Variants in BMP4 observed in about 807,000 individuals in gnomAD.
BMP4 encodes bone morphogenetic protein 4.
BMP4 carries 3 observed loss-of-function variants against 29.6 expected under a neutral mutation model. The ratio of observed to expected loss-of-function variants is 0.10; its 90% CI spans 0.05 to 0.26. The LOEUF is 0.26. BMP4 is among the 10% of genes least tolerant of loss of function. The pLI is 1.00. For missense variants in BMP4, 455 were observed against 550.2 expected, an observed-to-expected ratio of 0.83 and a Z score of 1.73; for synonymous variants, 197 against 213.2, an observed-to-expected ratio of 0.92 and a Z score of 0.66.
Position 53,955,006 on chromosome 14 carries a change from A to G in BMP4, c.-133+1544T>C, listed in dbSNP as rs13379305. ...CTCCCTCCCGACCGTGGATGCCCGGAGTCGACCAACACCTCAGGTCCGGGT... is the reference window on the plus strand; with the variant it reads ...CTCCCTCCCGACCGTGGATGCCCGGGGTCGACCAACACCTCAGGTCCGGGT... On this transcript the variant is annotated intron_variant, in intron 1 of 3. Coordinates refer to ENST00000245451, the MANE Select transcript of BMP4 (RefSeq NM_001202.6). The surrounding 1 kb of genome is among the most constrained non-coding windows in gnomAD (Gnocchi z 4.0). 4.6e-3 allele frequency among the ~76,000 whole-genome samples: 694 copies of G among 152,300 alleles called. 7 individuals are homozygous for G. The highest frequency in any genetic ancestry group is 0.016 in the African/African-American group (657 of 41,582).
chr14:53,949,981 G>T lies in BMP4; in HGVS notation c.*51C>A. The T allele has an allele frequency of 6.3e-7, 1 of 1,577,594 alleles. No homozygotes were observed. Among genetic ancestry groups the T allele is most frequent in the Non-Finnish European group, 8.7e-7 (1 of 1,151,502 alleles). ...GGGAACGTGTGTGTGTGGTGTATGT[G>T]GTGTGTGTGTGTGGTGTGTATATCT... On this transcript the variant is annotated 3_prime_UTR_variant, in exon 4 of 4. Transcript: ENST00000245451.
In BMP4 at chr14:53,954,207, T is replaced by G. The variant is rs921233039; in HGVS notation, c.-132-807A>C. Among the ~76,000 whole-genome samples the G allele has an allele frequency of 4.6e-5, 7 of 151,674 alleles. No homozygotes were observed. Among genetic ancestry groups the G allele is most frequent in the Non-Finnish European group, 2.9e-5 (2 of 67,926 alleles). On this transcript the variant is annotated intron_variant, in intron 1 of 3. Coordinates refer to ENST00000245451, the MANE Select transcript of BMP4 (RefSeq NM_001202.6). This position sits in a 1 kb window ranked among gnomAD's most constrained non-coding sequence, Gnocchi z 4.8. Reference sequence around the variant, plus strand: ...ATTGCTCCGGGTCCATTACCGAGAATCCCCAAACCTAGTCCGCCGCTGCGT... The same window carrying G: ...ATTGCTCCGGGTCCATTACCGAGAAGCCCCAAACCTAGTCCGCCGCTGCGT...
intron 1 of BMP4, among the ~76,000 whole-genome samples, chr14:53,956,143 T>C (rs935326416): frequency 6.6e-6 from 1 of 152,146 alleles, no homozygotes; most frequent in Non-Finnish European, 1.5e-5. Flanking sequence ...GCCGTCGCTC[T>C]GCCCCCTCAC....
rs150187403 is a variant in BMP4 at position 53,952,112 on chromosome 14, C to G, written c.111G>C (p.Glu37Asp). The change falls in exon 3 of 4, where the codon GAG (glutamate) becomes GAC (aspartate). Residue 37 changes from glutamate (E) to aspartate (D), a missense_variant. Physicochemically the swap from Glu to Asp is conservative, Grantham distance 45. This residue lies in a region of BMP4 where 249 missense variants were observed against 284.6 expected (regional missense o/e 0.87). Coordinates refer to ENST00000245451, the MANE Select transcript of BMP4 (RefSeq NM_001202.6). The stretch of plus-strand genomic sequence containing the variant: ...GGCGTCCTCCCGCGTGGCCCTGAAT[C>G]TCGGCGACTTTTTTCTTCCCCGTCT... ...IPETGKKKVA[E>D]IQGHAGGRRS... 23 of 1,613,530 alleles carry G rather than the reference C, an allele frequency of 1.4e-5. No individual in the cohort carries two copies. In the African/African-American group the frequency reaches 2.8e-4, roughly 20 times the overall value.
At position 53,950,653 on chromosome 14, in the gene BMP4, C is replaced by T. The variant is rs761904965; in HGVS notation, c.606G>A (p.Thr202=). ...GTGTCACATTGTGGTGGACCAGTCT[C>T]GTGTCCAGTAGTCGTGTGATGAGGT... ...PGHLITRLLD[T]RLVHHNVTRW... is the part of the protein sequence containing the mutation. The change falls in exon 4 of 4, where the codon ACG becomes ACA. Residue 202 remains threonine (T), a synonymous_variant. Transcript: ENST00000245451. This position sits in a 1 kb window ranked among gnomAD's most constrained non-coding sequence, Gnocchi z 5.4. 10 of 1,614,134 alleles carry T rather than the reference C, an allele frequency of 6.2e-6. No individual in the cohort carries two copies. The African/African-American group carries it at 8.0e-5, about 13-fold the overall frequency.
chr14:53,949,883 C>CACT lies in BMP4; in HGVS notation c.*148_*149insAGT. 1 of 643,742 alleles carries CACT rather than the reference C, an allele frequency of 1.6e-6. No homozygotes were observed. The highest frequency in any genetic ancestry group is 2.4e-6 in the Non-Finnish European group (1 of 423,472). The allele number at this position is 643,742 out of a possible 1,614,324, so 39.9% of individuals were successfully genotyped here. The stretch of plus-strand genomic sequence containing the variant: ...AAGGTGAATGTTTAGGGATTTTTTC[C>CACT]TTTTTTTTTTTTTTTTTTAAATAAA... On this transcript the variant is annotated 3_prime_UTR_variant, in exon 4 of 4. Coordinates refer to ENST00000245451, the MANE Select transcript of BMP4 (RefSeq NM_001202.6).
chr14:53,950,082 C>T lies in BMP4; in HGVS notation c.1177G>A (p.Val393Ile). The T allele has an allele frequency of 1.2e-6, 2 of 1,614,084 alleles. No homozygotes were observed. The highest frequency in any genetic ancestry group is 8.5e-7 in the Non-Finnish European group (1 of 1,180,016). ...ACCATCTCCTGATAATTTTTCAGTA[C>T]CACCTTATCATACTCATCCAGGTAC... The part of the protein sequence containing the change: ...MLYLDEYDKV[V>I]LKNYQEMVVE... The change falls in exon 4 of 4, where the codon GTA (valine) becomes ATA (isoleucine). Residue 393 changes from valine (V) to isoleucine (I), a missense_variant. This residue lies in a region of BMP4 where 48 missense variants were observed against 90.4 expected (regional missense o/e 0.53). Coordinates refer to ENST00000245451, the MANE Select transcript of BMP4 (RefSeq NM_001202.6). The surrounding 1 kb of genome is among the most constrained non-coding windows in gnomAD (Gnocchi z 5.4).
At chr14:53,953,669 G>A (rs1169680700) in intron 1 of BMP4, among the ~76,000 whole-genome samples, 1 of 151,854 alleles carries the variant, frequency 6.6e-6, no homozygotes, top group African/African-American at 2.4e-5. Context: ...CCCCGCGGCC[G>A]CCGCGCTCCC....
chr14:53,954,399 C>T lies in BMP4; in HGVS notation c.-132-999G>A, dbSNP rs1000726193. On this transcript the variant is annotated intron_variant, in intron 1 of 3. Coordinates refer to ENST00000245451, the MANE Select transcript of BMP4 (RefSeq NM_001202.6). This position sits in a 1 kb window ranked among gnomAD's most constrained non-coding sequence, Gnocchi z 4.8. ...GGCCGAGGTTTTACAACTCCCGACC[C>T]GGCGCAGAAAGGAAATCCCACCATG... 6.6e-6 allele frequency: 1 copy of T among 152,140 alleles called. No homozygotes were observed. 9.4% of individuals were successfully genotyped at this position (152,140 alleles called of 1,614,324 possible).
chr14:53,956,769 G>A lies in BMP4; in HGVS notation c.-352C>T. The A allele has an allele frequency of 2.5e-6, 1 of 399,974 alleles. No individual in the cohort carries two copies. The highest frequency in any genetic ancestry group is 4.4e-6 in the Non-Finnish European group (1 of 226,996). The allele number at this position is 399,974 out of a possible 1,614,324, so 24.8% of individuals were successfully genotyped here. A position where few individuals can be genotyped will look rare whatever the true frequency, so the allele number is the denominator to read the frequency against. On this transcript the variant is annotated 5_prime_UTR_variant, in exon 1 of 4. Coordinates refer to ENST00000245451, the MANE Select transcript of BMP4 (RefSeq NM_001202.6). ...GGATGCCACACTCACCTAGCTTCCGGGCCGGGCTCCGCGCTCCTTCCCTCC... is the reference window on the plus strand; with the variant it reads ...GGATGCCACACTCACCTAGCTTCCGAGCCGGGCTCCGCGCTCCTTCCCTCC...
intron 2 of BMP4, among the ~76,000 whole-genome samples, chr14:53,952,752 G>A (rs978952193): frequency 2.6e-5 from 4 of 152,164 alleles, no homozygotes; most frequent in African/African-American, 7.2e-5. Flanking sequence ...GAAGACAGAG[G>A]GCGACAGGGT....
chr14:53,954,286 G>A lies in BMP4; in HGVS notation c.-132-886C>T, dbSNP rs1489058377. ...CCGAAGAAGCCATGCCAGGCTGAGG[G>A]ACAGACGCCGGGGCTCGAAGCTCCG... On this transcript the variant is annotated intron_variant, in intron 1 of 3. Transcript: ENST00000245451. This position sits in a 1 kb window ranked among gnomAD's most constrained non-coding sequence, Gnocchi z 4.8. The A allele has an allele frequency of 6.6e-6, 1 of 152,214 alleles. No individual in the cohort carries two copies. Among genetic ancestry groups the A allele is most frequent in the Non-Finnish European group, 1.5e-5 (1 of 68,116 alleles). 9.4% of individuals were successfully genotyped at this position (152,214 alleles called of 1,614,324 possible).
At chr14:53,956,492 C>G (rs915512872) in intron 1 of BMP4, 58 bp downstream of exon 1, 1 of 399,360 alleles carries the variant, frequency 2.5e-6, no homozygotes, top group Admixed American at 4.4e-5. Flanking sequence ...CTTCTTCCCC[C>G]CAAGGAGGCT....
At position 53,950,712 on chromosome 14, in the gene BMP4, C is replaced by T. The variant is rs917187711; in HGVS notation, c.547G>A (p.Val183Ile). ...ACCACTTCTGCTGGGGGCTTCATAACCTCATAAATGTTTATACGGTGGAAG... is the reference window on the plus strand; with the variant it reads ...ACCACTTCTGCTGGGGGCTTCATAATCTCATAAATGTTTATACGGTGGAAG... The part of the protein sequence containing the change: ...RGFHRINIYE[V>I]MKPPAEVVPG... The change falls in exon 4 of 4, where the codon GTT becomes ATT. Residue 183 changes from valine (V) to isoleucine (I), a missense_variant. Around this residue, in one of 4 missense-constraint regions of BMP4, gnomAD observed 249 missense variants for 284.6 expected, o/e 0.87. Transcript: ENST00000245451. This position sits in a 1 kb window ranked among gnomAD's most constrained non-coding sequence, Gnocchi z 5.4. The T allele has an allele frequency of 1.5e-5, 24 of 1,614,122 alleles. No individual in the cohort carries two copies. Among genetic ancestry groups the T allele is most frequent in the Non-Finnish European group, 1.7e-5 (20 of 1,180,054 alleles).
At chr14:53,956,259 A>G (rs546365989) in intron 1 of BMP4, among the ~76,000 whole-genome samples, 1 of 152,166 alleles carries the variant, frequency 6.6e-6, no homozygotes, top group African/African-American at 2.4e-5. Context: ...AAGACCCCAC[A>G]GTTTTTCCCA....
Position 53,950,442 on chromosome 14 carries a change from C to A in BMP4, c.817G>T (p.Val273Phe), listed in dbSNP as rs775995114. ...GNWAQLRPLL[V>F]TFGHDGRGHA... ...CCCCGGCCATCATGGCCAAAGGTGA[C>A]CAGGAGGGGCCGGAGCTGGGCCCAA... Residue 273 changes from valine (V) to phenylalanine (F), a missense_variant, in exon 4 of 4, where the codon GTC becomes TTC. Val to Phe is a conservative substitution (Grantham distance 50). This residue lies in a region of BMP4 where 154 missense variants were observed against 156.8 expected (regional missense o/e 0.98). Transcript: ENST00000245451. This position sits in a 1 kb window ranked among gnomAD's most constrained non-coding sequence, Gnocchi z 5.4. 6.2e-7 allele frequency: 1 copy of A among 1,613,930 alleles called. No homozygotes were observed. The highest frequency in any genetic ancestry group is 2.2e-5 in the East Asian group (1 of 44,888).
chr14:53,953,389 A>C lies in BMP4; in HGVS notation c.-121T>G, dbSNP rs954554112. 1.5e-5 allele frequency: 6 copies of C among 399,082 alleles called. No individual in the cohort carries two copies. The highest frequency in any genetic ancestry group is 2.7e-5 in the Non-Finnish European group (6 of 226,136). The allele number at this position is 399,082 out of a possible 1,614,324, so 24.7% of individuals were successfully genotyped here. A position where few individuals can be genotyped will look rare whatever the true frequency, so the allele number is the denominator to read the frequency against. On this transcript the variant is annotated 5_prime_UTR_variant, in exon 2 of 4. Transcript: ENST00000245451. ...GCAGTGCGTTGCTCGGGATGGCACT[A>C]CGGAATGGCTCCTAAAAGGAATATT...
Position 53,956,747 on chromosome 14 carries a change from T to G in BMP4, c.-330A>C. Reference sequence around the variant, plus strand: ...TCAGGCTCGCGTCCCTCAGCTCGGATGCCACACTCACCTAGCTTCCGGGCC... The same window carrying G: ...TCAGGCTCGCGTCCCTCAGCTCGGAGGCCACACTCACCTAGCTTCCGGGCC... On this transcript the variant is annotated 5_prime_UTR_variant, in exon 1 of 4. Coordinates refer to ENST00000245451, the MANE Select transcript of BMP4 (RefSeq NM_001202.6). 1 of 399,698 alleles carries G rather than the reference T, an allele frequency of 2.5e-6. No individual in the cohort carries two copies. Among genetic ancestry groups the G allele is most frequent in the Non-Finnish European group, 4.4e-6 (1 of 226,664 alleles). 24.8% of individuals were successfully genotyped at this position (399,698 alleles called of 1,614,324 possible).
At chr14:53,953,912 C>T (rs957849291) in intron 1 of BMP4, among the ~76,000 whole-genome samples, 10 of 139,590 alleles carry the variant, frequency 7.2e-5, no homozygotes, top group Admixed American at 6.6e-4. Flanking sequence ...ACCCTGCCCA[C>T]GCGCGTGTAC....
Sources: allele counts gnomAD v4.1 joint callset (sites outside exome capture counted in the v4.1 genomes callset), GRCh38; gene constraint gnomAD v4.1.1; regional missense constraint gnomAD v4.1.1; non-coding constraint Gnocchi (gnomAD v3.1); transcripts MANE v1.5; gene names NCBI Gene and HGNC (gene_info 2026-07-23, HGNC 2026-07-21).